C2CD2: variants seen among roughly 807,000 people sequenced by gnomAD.
C2CD2 encodes C2 domain-containing protein 2.
C2CD2 carries 43 observed loss-of-function variants against 74.3 expected under a neutral mutation model. The observed-to-expected ratio is 0.58, with a 90% CI of 0.45 to 0.75. The LOEUF (loss-of-function observed/expected upper bound fraction) is 0.75, where lower values mean the gene tolerates loss of function less well. Ranked by LOEUF, C2CD2 falls within the 30% of genes least tolerant of loss-of-function variation. The pLI is 0.00. For synonymous variants in C2CD2, 422 were observed against 390.7 expected (o/e 1.08, Z -0.94); for missense variants, 801 against 916.3 (o/e 0.87, Z 1.63).
chr21:41,916,226 TG>T (rs1271798862), intron 5 of C2CD2, among the ~76,000 whole-genome samples: 3 of 152,276 alleles, frequency 2.0e-5, no homozygotes, highest in African/African-American at 7.2e-5. Context: ...GATGGTTAAC[TG>T]TATGTGTCGA....
At chr21:41,919,004 G>A (rs1440552048) in intron 3 of C2CD2, 44 bp from the exon 4 acceptor site, 2 of 1,389,030 alleles carry the variant, frequency 1.4e-6, no homozygotes, top group East Asian at 4.6e-5. Context: ...TTCCACCAAA[G>A]CCTTAATGTG....
rs541002329 is a variant in C2CD2 at position 41,887,423 on chromosome 21, G to A, written c.*1701C>T. 32 of 151,032 alleles carry A rather than the reference G, an allele frequency of 2.1e-4. No homozygotes were observed. Among genetic ancestry groups the A allele is most frequent in the African/African-American group, 6.6e-4 (27 of 41,092 alleles). The allele number at this position is 151,032 out of a possible 1,614,324, so 9.4% of individuals were successfully genotyped here. ...ATTTTAAAGTGAAATTCCTAATGTCGTTTTCTAATCTCTCTCTCTAAAAAA... is the reference window on the plus strand; with the variant it reads ...ATTTTAAAGTGAAATTCCTAATGTCATTTTCTAATCTCTCTCTCTAAAAAA... On this transcript the variant is annotated 3_prime_UTR_variant, in exon 14 of 14. Transcript: ENST00000380486.
intron 1 of C2CD2, among the ~76,000 whole-genome samples, chr21:41,951,003 G>A (rs2065445969): frequency 6.6e-6 from 1 of 152,174 alleles, no homozygotes; most frequent in African/African-American, 2.4e-5. Context: ...GCGAGAGCGG[G>A]CTTGGAGTGT....
chr21:41,943,582 C>G lies in C2CD2; in HGVS notation c.280-1337G>C, dbSNP rs553750503. On this transcript the variant is annotated intron_variant, in intron 1 of 13. Transcript: ENST00000380486. ...ACAGCCCCACAAGCTCCCATCGTAT[C>G]TCATCTCCACCGTGGTGAGCTAGGT... is the stretch of plus-strand genomic sequence containing the variant. Among the ~76,000 whole-genome samples, 6 of 152,304 alleles carry G rather than the reference C, an allele frequency of 3.9e-5. No individual in the cohort carries two copies. The South Asian group carries it at 1.2e-3, about 32-fold the overall frequency.
chr21:41,891,986 C>T (rs1403555402), intron 13 of C2CD2, among the ~76,000 whole-genome samples: 1 of 151,640 alleles, frequency 6.6e-6, no homozygotes, highest in Non-Finnish European at 1.5e-5. Context: ...GGCTCCCCCA[C>T]CCCCACCCAA....
chr21:41,923,442 T>C lies in C2CD2; in HGVS notation c.379-1357A>G, dbSNP rs1196628430. On this transcript the variant is annotated intron_variant, in intron 2 of 13. Transcript: ENST00000380486. This position sits in a 1 kb window ranked among gnomAD's most constrained non-coding sequence, Gnocchi z 5.8. Reference sequence around the variant, plus strand: ...TGAGTCTTAAAGAGAAAGTAAGTTATAGATGTTAGAAGTAAAAAAAGTTTT... The same window carrying C: ...TGAGTCTTAAAGAGAAAGTAAGTTACAGATGTTAGAAGTAAAAAAAGTTTT... 6.6e-6 allele frequency among the ~76,000 whole-genome samples: 1 copy of C among 152,212 alleles called. No individual in the cohort carries two copies. The highest frequency in any genetic ancestry group is 1.5e-5 in the Non-Finnish European group (1 of 68,044).
chr21:41,914,181 G>A (rs9974477), intron 6 of C2CD2, among the ~76,000 whole-genome samples: 48,800 of 151,658 alleles, frequency 0.32, 8,720 homozygotes, highest in South Asian at 0.44. Context: ...AGCCGAGATC[G>A]TGCCATTGCA....
chr21:41,902,754 A>G (rs752140456), intron 11 of C2CD2, among the ~76,000 whole-genome samples: 7 of 152,182 alleles, frequency 4.6e-5, no homozygotes, highest in Admixed American at 2.6e-4. Flanking sequence ...AATAATAAAT[A>G]GATACTTGGT....
chr21:41,899,035 G>T lies in C2CD2; in HGVS notation c.1870+18C>A. ...CACCAAGTGGGGGGCCCGGGATGGG[G>T]GGCTCGGGAGCAGGTACCTTTATGC... On this transcript the variant is annotated intron_variant, in intron 13 of 13. Transcript: ENST00000380486. This position sits in a 1 kb window ranked among gnomAD's most constrained non-coding sequence, Gnocchi z 4.4. 2 of 1,604,334 alleles carry T rather than the reference G, an allele frequency of 1.2e-6. No homozygotes were observed. The highest frequency in any genetic ancestry group is 2.2e-5 in the East Asian group (1 of 44,838).
rs1055511223 is a variant in C2CD2 at position 41,913,909 on chromosome 21, C to T, written c.844+689G>A. ...CCAGCATCGGAGTCCCGAGTGTGGC[C>T]GAAGCCATCTGATGCCCATCAACTC... On this transcript the variant is annotated intron_variant, in intron 6 of 13. Coordinates refer to ENST00000380486, the MANE Select transcript of C2CD2 (RefSeq NM_015500.2). 2.2e-4 allele frequency among the ~76,000 whole-genome samples: 33 copies of T among 152,206 alleles called. 1 individual carries two copies. Among genetic ancestry groups the T allele is most frequent in the Admixed American group, 2.0e-3 (31 of 15,288 alleles).
Position 41,923,308 on chromosome 21 carries a change from T to C in C2CD2, c.379-1223A>G, listed in dbSNP as rs543769216. Among the ~76,000 whole-genome samples the C allele has an allele frequency of 6.6e-6, 1 of 152,356 alleles. No homozygotes were observed. The highest frequency in any genetic ancestry group is 1.9e-4 in the East Asian group (1 of 5,184). The stretch of plus-strand genomic sequence containing the variant: ...GTGCCCGGCCAACAAAGTCTTTTTC[T>C]TTAAATATCATCTTGTTCTATTTCT... On this transcript the variant is annotated intron_variant, in intron 2 of 13. Coordinates refer to ENST00000380486, the MANE Select transcript of C2CD2 (RefSeq NM_015500.2). This position sits in a 1 kb window ranked among gnomAD's most constrained non-coding sequence, Gnocchi z 5.8.
chr21:41,905,729 T>C lies in C2CD2; in HGVS notation c.1427A>G (p.Asp476Gly). The change falls in exon 11 of 14, where the codon GAC becomes GGC. Residue 476 changes from aspartate to glycine, a missense_variant. Physicochemically the swap from Asp to Gly is moderately conservative, Grantham distance 94 (BLOSUM62 -1). Transcript: ENST00000380486. ...CGTGGGCGTGTCTCAGTTACCTGTG[T>C]CTGAAGAAGAGAGTGTTTTGCTGAC... is the stretch of plus-strand genomic sequence containing the variant. ...APVSKTLSSSDTELLVLNGSD... is the reference protein window; with the variant it reads ...APVSKTLSSSGTELLVLNGSD... 1 of 1,577,664 alleles carries C rather than the reference T, an allele frequency of 6.3e-7. No individual in the cohort carries two copies. Among genetic ancestry groups the C allele is most frequent in the African/African-American group, 1.3e-5 (1 of 74,332 alleles).
chr21:41,918,824 A>T (rs12483229), intron 4 of C2CD2, 32 bp downstream of exon 4: 430,366 of 1,526,560 alleles, frequency 0.28, 62,366 homozygotes, highest in Non-Finnish European at 0.3. Flanking sequence ...TTCTCACGCC[A>T]ATGGAAGAAT....
chr21:41,942,955 C>A, intron 1 of C2CD2: 1 of 984,920 alleles, frequency 1.0e-6, no homozygotes, highest in African/African-American at 1.7e-5. Flanking sequence ...CCCCCAGCAT[C>A]CTTCCAGGAA....
chr21:41,922,469 T>C (rs900154311), intron 2 of C2CD2, among the ~76,000 whole-genome samples: 4 of 140,838 alleles, frequency 2.8e-5, no homozygotes, highest in African/African-American at 5.3e-5. Context: ...TCAGCTGCCA[T>C]AGGCATCTTT....
intron 2 of C2CD2, among the ~76,000 whole-genome samples, chr21:41,933,139 T>C (rs1171897190): frequency 1.5e-5 from 2 of 137,292 alleles, no homozygotes; most frequent in East Asian, 2.0e-4. Flanking sequence ...GTTAGAAAGA[T>C]AGGAAGAGGC....
At chr21:41,902,368 A>G (rs1678121320) in intron 11 of C2CD2, among the ~76,000 whole-genome samples, 1 of 152,208 alleles carries the variant, frequency 6.6e-6, no homozygotes, top group South Asian at 2.1e-4. Flanking sequence ...GCCAACATCA[A>G]TAGAATGCTT....
chr21:41,916,703 AC>A (rs1287028519), intron 5 of C2CD2, among the ~76,000 whole-genome samples: 9 of 137,294 alleles, frequency 6.6e-5, no homozygotes, highest in African/African-American at 2.2e-4. Flanking sequence ...ACACACACAC[AC>A]ACTCCCATTG....
intron 2 of C2CD2, among the ~76,000 whole-genome samples, chr21:41,938,422 A>G (rs28444345): frequency 0.24 from 36,252 of 152,012 alleles, 4,563 homozygotes; most frequent in South Asian, 0.36. Context: ...TGACCATTTA[A>G]GCCATTTTTG....
Sources: gnomAD v4.1 joint callset for allele counts (sites outside exome capture counted in the v4.1 genomes callset) on GRCh38, gnomAD v4.1.1 for gene constraint, Gnocchi (gnomAD v3.1) non-coding constraint, MANE v1.5 for transcripts, NCBI Gene and HGNC (gene_info 2026-07-23, HGNC 2026-07-21) for gene names.